CTIF: variants seen among roughly 807,000 people sequenced by gnomAD.
CTIF encodes the protein cap binding complex dependent translation initiation factor, also known as CBP80/20-dependent translation initiation factor.
CTIF carries 21 observed loss-of-function variants against 66.0 expected under a neutral mutation model. The observed-to-expected ratio is 0.32, with a 90% CI of 0.23 to 0.46. CTIF has a LOEUF of 0.46. CTIF is among the 20% of genes least tolerant of loss of function. The pLI is 1.00. For missense variants in CTIF, 739 were observed against 812.7 expected (o/e 0.91, Z 1.10); for synonymous variants, 345 against 326.4 (o/e 1.06, Z -0.62).
intron 2 of CTIF, among the ~76,000 whole-genome samples, chr18:48,633,483 C>G (rs1003139403): frequency 6.6e-6 from 1 of 152,044 alleles, no homozygotes; most frequent in Admixed American, 6.6e-5. Flanking sequence ...GGGTGGATCA[C>G]CTGAGGTCAG....
rs537066331 is a variant in CTIF at position 48,833,314 on chromosome 18, A to C, written c.1527+15938A>C. Among the ~76,000 whole-genome samples the C allele has an allele frequency of 1.1e-3, 167 of 152,268 alleles. 1 individual carries two copies. Among genetic ancestry groups the C allele is most frequent in the African/African-American group, 3.8e-3 (158 of 41,548 alleles). Reference sequence around the variant, plus strand: ...GGCCTCGTGGGGCCTGGGGAGTGGAAGTGCCCACCAGTGAGGGTGGGAGGG... The same window carrying C: ...GGCCTCGTGGGGCCTGGGGAGTGGACGTGCCCACCAGTGAGGGTGGGAGGG... On this transcript the variant is annotated intron_variant, in intron 10 of 11. Coordinates refer to ENST00000256413, the MANE Select transcript of CTIF (RefSeq NM_014772.3).
chr18:48,681,693 AAGCCCCTGATCC>A (rs2091745298), intron 6 of CTIF, among the ~76,000 whole-genome samples: 1 of 152,144 alleles, frequency 6.6e-6, no homozygotes, highest in African/African-American at 2.4e-5. Flanking sequence ...ACTGATTGCC[AAGCCCCTGATCC>A]AGCAGCACCA....
At chr18:48,626,490 G>A (rs2090601401) in intron 2 of CTIF, among the ~76,000 whole-genome samples, 1 of 151,736 alleles carries the variant, frequency 6.6e-6, no homozygotes, top group Non-Finnish European at 1.5e-5. Flanking sequence ...TGGGATTACA[G>A]GCGTGTGCTA....
At chr18:48,746,777 C>T (rs2092600199) in intron 7 of CTIF, among the ~76,000 whole-genome samples, 1 of 152,104 alleles carries the variant, frequency 6.6e-6, no homozygotes, top group African/African-American at 2.4e-5. Context: ...AGTTCCCCTG[C>T]AGTCTTAGGG....
chr18:48,559,801 G>C (rs980532433), intron 1 of CTIF, among the ~76,000 whole-genome samples: 5 of 152,138 alleles, frequency 3.3e-5, no homozygotes, highest in Admixed American at 3.3e-4. Context: ...GACTGTGAAA[G>C]GTGGGAAGGT....
At chr18:48,545,960 G>A (rs1373861774) in intron 1 of CTIF, among the ~76,000 whole-genome samples, 1 of 152,182 alleles carries the variant, frequency 6.6e-6, no homozygotes, top group Admixed American at 6.5e-5. Flanking sequence ...ACAGCCAAGA[G>A]CGTGTTTCAG....
At chr18:48,665,746 G>T (rs566537743) in intron 5 of CTIF, among the ~76,000 whole-genome samples, 1 of 152,230 alleles carries the variant, frequency 6.6e-6, no homozygotes, top group South Asian at 2.1e-4. Context: ...CTTGGGCCTG[G>T]CTTCTTTCCC....
intron 6 of CTIF, among the ~76,000 whole-genome samples, chr18:48,670,953 G>T (rs2091524180): frequency 6.6e-6 from 1 of 152,208 alleles, no homozygotes; most frequent in Non-Finnish European, 1.5e-5. Flanking sequence ...CCTACTCGGT[G>T]ATGCTGCAGG....
At chr18:48,728,422 A>G (rs552827436) in intron 7 of CTIF, among the ~76,000 whole-genome samples, 2 of 152,302 alleles carry the variant, frequency 1.3e-5, no homozygotes, top group East Asian at 1.9e-4. Context: ...TTACTCCCCA[A>G]ATTTAGCAGC....
At chr18:48,657,586 G>T (rs1318104763) in intron 3 of CTIF, among the ~76,000 whole-genome samples, 1 of 152,120 alleles carries the variant, frequency 6.6e-6, no homozygotes, top group Non-Finnish European at 1.5e-5. Context: ...CAACAATGAC[G>T]AGAGGAATCA....
chr18:48,743,808 TTCC>T (rs2145766713), intron 7 of CTIF, among the ~76,000 whole-genome samples: 1 of 152,286 alleles, frequency 6.6e-6, no homozygotes, highest in African/African-American at 2.4e-5. Context: ...TTAAGAGTGT[TTCC>T]AAGAGAAACT....
intron 10 of CTIF, among the ~76,000 whole-genome samples, chr18:48,853,099 C>G (rs1041056277): frequency 1.3e-5 from 2 of 152,208 alleles, no homozygotes; most frequent in African/African-American, 4.8e-5. Context: ...CGAGTTTTCT[C>G]CCTGCCTCCC....
intron 1 of CTIF, among the ~76,000 whole-genome samples, chr18:48,561,905 A>C (rs1403376285): frequency 6.6e-6 from 1 of 152,194 alleles, no homozygotes; most frequent in Non-Finnish European, 1.5e-5. Context: ...ACTCCAGCCC[A>C]ATGCCTGTTT....
intron 3 of CTIF, among the ~76,000 whole-genome samples, chr18:48,637,352 C>G (rs2090842790): frequency 1.3e-5 from 2 of 152,210 alleles, no homozygotes; most frequent in Non-Finnish European, 1.5e-5. Flanking sequence ...TCCACCAAAC[C>G]CTATGGTGGT....
chr18:48,759,105 C>T (rs1044526405), intron 8 of CTIF, among the ~76,000 whole-genome samples: 4 of 152,164 alleles, frequency 2.6e-5, no homozygotes, highest in Admixed American at 6.5e-5. Flanking sequence ...GGAGATGACC[C>T]TAAACCTCCA....
At chr18:48,764,108 G>A (rs1300599356) in intron 9 of CTIF, among the ~76,000 whole-genome samples, 1 of 152,036 alleles carries the variant, frequency 6.6e-6, no homozygotes, top group Non-Finnish European at 1.5e-5. Flanking sequence ...CTCTGAGCAT[G>A]CACCTCCCCC....
chr18:48,827,702 G>A (rs2068610705), intron 10 of CTIF, among the ~76,000 whole-genome samples: 1 of 152,028 alleles, frequency 6.6e-6, no homozygotes, highest in African/African-American at 2.4e-5. Flanking sequence ...CAGCCCCTGG[G>A]CACTGGCTTA....
intron 9 of CTIF, among the ~76,000 whole-genome samples, chr18:48,816,566 C>A (rs2068367560): frequency 6.6e-6 from 1 of 152,208 alleles, no homozygotes; most frequent in South Asian, 2.1e-4. Flanking sequence ...TTTATACTTT[C>A]TTCTCTTGTA....
rs576646297 is a variant in CTIF at position 48,798,065 on chromosome 18, C to T, written c.1372-19156C>T. The stretch of plus-strand genomic sequence containing the variant: ...GCCAGCGCCACCAGGGGCAAGCAGA[C>T]GGGTGAGGAGGTGCCAGACAGGATT... On this transcript the variant is annotated intron_variant, in intron 9 of 11. Transcript: ENST00000256413. Among the ~76,000 whole-genome samples the T allele has an allele frequency of 2.4e-4, 36 of 152,304 alleles. No homozygotes were observed. In the East Asian group the frequency reaches 3.9e-3, roughly 16 times the overall value.
Sources: allele counts gnomAD v4.1 joint callset (sites outside exome capture counted in the v4.1 genomes callset), GRCh38; gene constraint gnomAD v4.1.1; transcripts MANE v1.5; gene names NCBI Gene and HGNC (gene_info 2026-07-23, HGNC 2026-07-21).